The following TTBK2 variants were observed in gnomAD, a reference collection of about 807,000 sequenced individuals.
TTBK2 encodes the protein tau-tubulin kinase 2.
A neutral mutation model predicts 110.8 loss-of-function variants in TTBK2; 28 were observed. The ratio of observed to expected loss-of-function variants is 0.25; its 90% confidence interval spans 0.19 to 0.35. TTBK2 has a LOEUF of 0.35. TTBK2 is among the 10% of genes least tolerant of loss of function. TTBK2 has a pLI of 1.00. For synonymous variants in TTBK2, 532 were observed against 527.3 expected (o/e 1.01, Z -0.12); for missense variants, 1,369 against 1,500.3 (o/e 0.91, Z 1.45).
At chr15:42,813,623 T>C (rs866105677) in intron 7 of TTBK2, among the ~76,000 whole-genome samples, 3 of 152,082 alleles carry the variant, frequency 2.0e-5, no homozygotes, top group African/African-American at 4.8e-5. Context: ...AGCTGGTGGA[T>C]TGCCTGAGCT....
chr15:42,776,337 G>A (rs1889919709), intron 12 of TTBK2, among the ~76,000 whole-genome samples: 1 of 152,186 alleles, frequency 6.6e-6, no homozygotes, highest in Admixed American at 6.5e-5. Context: ...TTAATGCTGC[G>A]AATACTACTG....
chr15:42,794,505 C>A, intron 10 of TTBK2, 139 bp downstream of exon 10: 1 of 1,158,068 alleles, frequency 8.6e-7, no homozygotes, highest in Non-Finnish European at 1.3e-6. Flanking sequence ...TACATAAGAG[C>A]AATGTTAATT....
intron 3 of TTBK2, among the ~76,000 whole-genome samples, chr15:42,853,630 C>G (rs16957224): frequency 0.063 from 9,634 of 152,172 alleles, 840 homozygotes; most frequent in African/African-American, 0.19. Context: ...AAAGAGCTAA[C>G]ATGGAAAAGA....
At chr15:42,867,037 G>C (rs1894399330) in intron 3 of TTBK2, among the ~76,000 whole-genome samples, 2 of 152,076 alleles carry the variant, frequency 1.3e-5, no homozygotes, top group South Asian at 4.1e-4. Flanking sequence ...GAGGTCAGGA[G>C]ATCGAGACCA....
intron 2 of TTBK2, among the ~76,000 whole-genome samples, chr15:42,876,272 A>G (rs984069492): frequency 3.9e-5 from 6 of 152,250 alleles, no homozygotes; most frequent in South Asian, 2.1e-4. Flanking sequence ...TAAAAATGCC[A>G]CTATGCCCTC....
At chr15:42,879,784 C>G (rs1208532027) in intron 1 of TTBK2, among the ~76,000 whole-genome samples, 1 of 151,892 alleles carries the variant, frequency 6.6e-6, no homozygotes. Context: ...GTTGCTTGAG[C>G]CCGGGAGTTT....
chr15:42,891,665 C>T (rs1280681675), intron 1 of TTBK2, among the ~76,000 whole-genome samples: 2 of 152,114 alleles, frequency 1.3e-5, no homozygotes, highest in African/African-American at 4.8e-5. Flanking sequence ...ACAAACTTAT[C>T]ATATAGTCCT....
rs1278170747 is a variant in TTBK2, at chr15:42,753,163, G to T, written c.2083C>A (p.Leu695Ile). ...TCCACAGTGGGCTCCATGGGCTGAAGATCTTTCTTCTCTGGCTGCTGACCA... is the reference window on the plus strand; with the variant it reads ...TCCACAGTGGGCTCCATGGGCTGAATATCTTTCTTCTCTGGCTGCTGACCA... Reference protein sequence around the residue: ...HCGQQPEKKDLQPMEPTVELY... With the variant: ...HCGQQPEKKDIQPMEPTVELY... Residue 695 changes from leucine (L) to isoleucine (I), a missense_variant, in exon 14 of 15, where the codon CTT becomes ATT. Leu to Ile is a conservative substitution (Grantham distance 5). Transcript: ENST00000267890. The T allele has an allele frequency of 6.2e-6, 10 of 1,605,112 alleles. No individual in the cohort carries two copies. The highest frequency in any genetic ancestry group is 7.6e-6 in the Non-Finnish European group (9 of 1,177,628).
intron 6 of TTBK2, among the ~76,000 whole-genome samples, chr15:42,821,670 A>T (rs867203565): frequency 6.7e-6 from 1 of 148,624 alleles, no homozygotes; most frequent in Middle Eastern, 3.5e-3. Context: ...GTATCTTGCC[A>T]GGGTTTTTGT....
In TTBK2 at chr15:42,775,321, T is replaced by C. The variant is rs764707596; in HGVS notation, c.1812A>G (p.Ala604=). The change falls in exon 13 of 15, where the codon GCA becomes GCG. Residue 604 remains alanine, a synonymous_variant. Coordinates refer to ENST00000267890, the MANE Select transcript of TTBK2 (RefSeq NM_173500.4). ...TTTCCTTCTTTAAATGATCATTTTCTGCCCAAGGACCTAACTGGAGCTTTT... is the reference window on the plus strand; with the variant it reads ...TTTCCTTCTTTAAATGATCATTTTCCGCCCAAGGACCTAACTGGAGCTTTT... ...QDEKLQLGPW[A]ENDHLKKETS... 9.3e-6 allele frequency: 15 copies of C among 1,614,108 alleles called. No homozygotes were observed. Among genetic ancestry groups the C allele is most frequent in the South Asian group, 1.1e-5 (1 of 91,084 alleles).
At chr15:42,868,683 T>G (rs954651958) in intron 3 of TTBK2, among the ~76,000 whole-genome samples, 1 of 146,182 alleles carries the variant, frequency 6.8e-6, no homozygotes, top group African/African-American at 2.5e-5. Context: ...AAAGCCAGAC[T>G]CTACATCTCT....
chr15:42,802,821 T>G (rs750381547), intron 9 of TTBK2, among the ~76,000 whole-genome samples: 1 of 152,180 alleles, frequency 6.6e-6, no homozygotes, highest in Non-Finnish European at 1.5e-5. Context: ...GAGATTAACA[T>G]TTGAATCAGT....
Position 42,829,264 on chromosome 15 carries a change from C to T in TTBK2, c.432+674G>A, listed in dbSNP as rs144086402. On this transcript the variant is annotated intron_variant, in intron 5 of 14. Coordinates refer to ENST00000267890, the MANE Select transcript of TTBK2 (RefSeq NM_173500.4). ...GCCTATTTCACACTTATGGAAATGA[C>T]AATTTCTAAGACAAACAGATTAGCA... Among the ~76,000 whole-genome samples the T allele has an allele frequency of 3.5e-3, 527 of 152,242 alleles. 2 individuals are homozygous for T. The highest frequency in any genetic ancestry group is 0.012 in the African/African-American group (502 of 41,546).
intron 6 of TTBK2, among the ~76,000 whole-genome samples, chr15:42,821,847 C>T (rs941788758): frequency 1.3e-5 from 2 of 151,938 alleles, no homozygotes; most frequent in African/African-American, 2.4e-5. Flanking sequence ...CCCGCCACCA[C>T]ACCCAGCTAA....
At chr15:42,770,144 T>TAAATGATGA (rs1235708436) in intron 13 of TTBK2, among the ~76,000 whole-genome samples, 2 of 151,900 alleles carry the variant, frequency 1.3e-5, no homozygotes, top group Non-Finnish European at 2.9e-5. Flanking sequence ...ATACCTAATG[T>TAAATGATGA]AAATGATGAG....
intron 11 of TTBK2, among the ~76,000 whole-genome samples, chr15:42,778,747 T>A (rs1357254101): frequency 6.6e-6 from 1 of 151,904 alleles, no homozygotes; most frequent in South Asian, 2.1e-4. Flanking sequence ...TTAAGAGATA[T>A]GATGGATACA....
At chr15:42,763,371 G>A (rs769090793) in intron 13 of TTBK2, among the ~76,000 whole-genome samples, 9 of 148,880 alleles carry the variant, frequency 6.0e-5, no homozygotes, top group Non-Finnish European at 8.9e-5. Flanking sequence ...GCCCCATCAC[G>A]CCTGTCTAAT....
intron 6 of TTBK2, among the ~76,000 whole-genome samples, chr15:42,821,629 T>C (rs1427964045): frequency 2.0e-5 from 3 of 152,156 alleles, no homozygotes; most frequent in Non-Finnish European, 4.4e-5. Flanking sequence ...TGTCTGGTTT[T>C]TGTTTTAACC....
chr15:42,808,217 G>C (rs1389399944), intron 9 of TTBK2, among the ~76,000 whole-genome samples: 1 of 152,226 alleles, frequency 6.6e-6, no homozygotes, highest in Non-Finnish European at 1.5e-5. Flanking sequence ...ATGTCAAAGT[G>C]AACAGCAGCA....
Sources: gnomAD v4.1 joint callset for allele counts (sites outside exome capture counted in the v4.1 genomes callset) on GRCh38, gnomAD v4.1.1 for gene constraint, MANE v1.5 for transcripts, NCBI Gene and HGNC (gene_info 2026-07-23, HGNC 2026-07-21) for gene names.